Variants in PYM1 observed in about 807,000 individuals in gnomAD.
PYM1 encodes the protein PYM1 exon junction complex associated factor.
In PYM1, 7 loss-of-function variants were observed where a neutral mutation model predicts 20.7. The observed-to-expected ratio is 0.34, with a 90% confidence interval of 0.19 to 0.64. The LOEUF (loss-of-function observed/expected upper bound fraction) is 0.64, where lower values mean the gene tolerates loss of function less well. PYM1 is among the 30% of genes least tolerant of loss of function. The pLI is 0.74. For synonymous variants in PYM1, 100 were observed against 99.2 expected (o/e 1.01, Z -0.05); for missense variants, 194 against 250.0 (o/e 0.78, Z 1.51).
intron 1 of PYM1, among the ~76,000 whole-genome samples, chr12:55,907,634 G>GGA (rs1555180671): frequency 7.9e-6 from 1 of 126,460 alleles, no homozygotes. Flanking sequence ...CTTCGTCTGG[G>GGA]AAAAAAAAAA....
intron 1 of PYM1, among the ~76,000 whole-genome samples, chr12:55,926,033 AG>A (rs1883181229): frequency 6.6e-6 from 1 of 152,234 alleles, no homozygotes; most frequent in Non-Finnish European, 1.5e-5. Context: ...CATGGAAAGC[AG>A]CAGAGCAAGA....
intron 1 of PYM1, among the ~76,000 whole-genome samples, chr12:55,914,924 G>A (rs1882979907): frequency 1.3e-5 from 2 of 152,098 alleles, no homozygotes; most frequent in African/African-American, 2.4e-5. Context: ...AATAAAGGTA[G>A]GTAGGTGATG....
At chr12:55,927,578 T>C in intron 1 of PYM1, 147 bp downstream of exon 1, 2 of 1,043,964 alleles carry the variant, frequency 1.9e-6, no homozygotes, top group Non-Finnish European at 2.8e-6. Context: ...GGCGCACAAG[T>C]GTTTCTAGGG....
At chr12:55,926,630 G>A (rs780723675) in intron 1 of PYM1, among the ~76,000 whole-genome samples, 1 of 152,180 alleles carries the variant, frequency 6.6e-6, no homozygotes, top group Non-Finnish European at 1.5e-5. Context: ...AAACGAGGAG[G>A]TCTTCAGCAA....
At chr12:55,926,095 TG>T (rs779480768) in intron 1 of PYM1, among the ~76,000 whole-genome samples, 13 of 152,176 alleles carry the variant, frequency 8.5e-5, no homozygotes, top group Non-Finnish European at 1.5e-4. Context: ...ACAGGCACAC[TG>T]TTGCTTCTAC....
At chr12:55,914,896 T>C (rs1247012191) in intron 1 of PYM1, among the ~76,000 whole-genome samples, 1 of 152,112 alleles carries the variant, frequency 6.6e-6, no homozygotes, top group Non-Finnish European at 1.5e-5. Flanking sequence ...TGCTAAGCCA[T>C]GGAGACCAAC....
chr12:55,924,018 G>A (rs1883144847), intron 1 of PYM1, among the ~76,000 whole-genome samples: 1 of 151,858 alleles, frequency 6.6e-6, no homozygotes, highest in Non-Finnish European at 1.5e-5. Flanking sequence ...GGAGGTTGCA[G>A]TGAGCCGAGA....
intron 1 of PYM1, among the ~76,000 whole-genome samples, chr12:55,905,905 A>AGATATATATATATCTAT (rs1565714469): frequency 1.8e-4 from 12 of 65,920 alleles, no homozygotes; most frequent in African/African-American, 6.4e-4. Context: ...TATATATCTA[A>AGATATATATATATCTAT]TAGATATATA....
Position 55,901,698 on chromosome 12 carries a change from G to A in PYM1, c.*174C>T, listed in dbSNP as rs3180741. 7.4e-6 allele frequency: 7 copies of A among 943,780 alleles called. No individual in the cohort carries two copies. Among genetic ancestry groups the A allele is most frequent in the Non-Finnish European group, 1.1e-5 (7 of 650,530 alleles). 58.5% of individuals were successfully genotyped at this position (943,780 alleles called of 1,614,324 possible). A position where few individuals can be genotyped will look rare whatever the true frequency, so the allele number is the denominator to read the frequency against. On this transcript the variant is annotated 3_prime_UTR_variant, in exon 3 of 3. Coordinates refer to ENST00000408946, the MANE Select transcript of PYM1 (RefSeq NM_032345.3). ...AAGTCCAAAAAGTAGAAGTTGGGAAGAAAAGGGAAGGATTGAGGGAGACGC... is the reference window on the plus strand; with the variant it reads ...AAGTCCAAAAAGTAGAAGTTGGGAAAAAAAGGGAAGGATTGAGGGAGACGC...
intron 1 of PYM1, among the ~76,000 whole-genome samples, chr12:55,919,179 TCA>T (rs1883057199): frequency 6.6e-6 from 1 of 152,170 alleles, no homozygotes; most frequent in Non-Finnish European, 1.5e-5. Context: ...TGAGATGAGG[TCA>T]CTGTCACCCA....
intron 1 of PYM1, among the ~76,000 whole-genome samples, chr12:55,917,245 G>A (rs199863861): frequency 6.6e-6 from 1 of 150,670 alleles, no homozygotes; most frequent in African/African-American, 2.4e-5. Flanking sequence ...CATGGTGAAA[G>A]CCCGTCTCTA....
intron 1 of PYM1, among the ~76,000 whole-genome samples, chr12:55,906,686 T>C (rs1183226793): frequency 4.6e-5 from 7 of 152,110 alleles, no homozygotes; most frequent in African/African-American, 1.7e-4. Flanking sequence ...TTCGCTCTTG[T>C]TGCCCAGGCT....
chr12:55,907,275 C>T (rs921865331), intron 1 of PYM1, among the ~76,000 whole-genome samples: 1 of 151,008 alleles, frequency 6.6e-6, no homozygotes, highest in Non-Finnish European at 1.5e-5. Context: ...ACCAGCCTGG[C>T]CAATATGGCA....
At chr12:55,914,442 G>A in intron 1 of PYM1, 1 of 686,148 alleles carries the variant, frequency 1.5e-6, no homozygotes, top group East Asian at 2.7e-5. Flanking sequence ...CTAGAGATTG[G>A]GGACTGCTAC....
chr12:55,904,282 T>G (rs1438213573), intron 1 of PYM1, among the ~76,000 whole-genome samples: 2 of 150,460 alleles, frequency 1.3e-5, no homozygotes, highest in African/African-American at 4.8e-5. Context: ...AGGGTATTCG[T>G]TGATGCATGA....
chr12:55,927,567 G>T, intron 1 of PYM1, 158 bp downstream of exon 1: 4 of 939,144 alleles, frequency 4.3e-6, no homozygotes, highest in South Asian at 1.6e-5. Flanking sequence ...GAACGCACTG[G>T]GGCGCACAAG....
intron 1 of PYM1, among the ~76,000 whole-genome samples, chr12:55,911,822 CAA>C (rs1882928487): frequency 6.8e-6 from 1 of 146,068 alleles, no homozygotes; most frequent in Non-Finnish European, 1.5e-5. Context: ...GCCTGGGTGA[CAA>C]GAGCGAAACT....
At chr12:55,912,489 C>A (rs1375433486) in intron 1 of PYM1, among the ~76,000 whole-genome samples, 4 of 151,992 alleles carry the variant, frequency 2.6e-5, no homozygotes, top group African/African-American at 9.7e-5. Context: ...GAGGCTGAGG[C>A]AGGAGAATTG....
intron 1 of PYM1, among the ~76,000 whole-genome samples, chr12:55,909,086 G>T (rs927788616): frequency 6.6e-6 from 1 of 151,992 alleles, no homozygotes; most frequent in South Asian, 2.1e-4. Flanking sequence ...TGGGGTAATC[G>T]CAGAAAGCCT....
Sources: allele counts gnomAD v4.1 joint callset (sites outside exome capture counted in the v4.1 genomes callset), GRCh38; gene constraint gnomAD v4.1.1; transcripts MANE v1.5; gene names NCBI Gene and HGNC (gene_info 2026-07-23, HGNC 2026-07-21).